The following CACNA2D3 variants were observed in gnomAD, a reference collection of about 807,000 sequenced individuals.
CACNA2D3 encodes the protein calcium voltage-gated channel auxiliary subunit alpha2delta 3.
CACNA2D3 carries 60 observed loss-of-function variants against 160.6 expected under a neutral mutation model. The ratio of observed to expected loss-of-function variants is 0.37; its 90% CI spans 0.30 to 0.46. The LOEUF is 0.46. Among genes scored for constraint, CACNA2D3 ranks in the 20% least tolerant of loss-of-function variants. CACNA2D3 has a pLI of 1.00. For synonymous variants in CACNA2D3, 558 were observed against 492.9 expected, an observed-to-expected ratio of 1.13 and a Z score of -1.75; for missense variants, 1,205 against 1,365.0, an observed-to-expected ratio of 0.88 and a Z score of 1.85.
chr3:54,462,398 G>A (rs1002842286), intron 4 of CACNA2D3, among the ~76,000 whole-genome samples: 6 of 152,184 alleles, frequency 3.9e-5, no homozygotes, highest in African/African-American at 9.7e-5. Context: ...CATTACTATT[G>A]TGTGGGAGTC....
chr3:54,721,118 C>T (rs1701161587), intron 11 of CACNA2D3, among the ~76,000 whole-genome samples: 1 of 152,082 alleles, frequency 6.6e-6, no homozygotes, highest in African/African-American at 2.4e-5. Flanking sequence ...CATTTATTCT[C>T]AATTTAATAT....
intron 5 of CACNA2D3, among the ~76,000 whole-genome samples, chr3:54,525,227 A>G (rs984498088): frequency 1.2e-4 from 19 of 152,108 alleles, no homozygotes; most frequent in African/African-American, 4.3e-4. Flanking sequence ...TCTTAGCCGC[A>G]TATATCTCTG....
chr3:54,465,281 T>C (rs903109514), intron 4 of CACNA2D3, among the ~76,000 whole-genome samples: 14 of 152,158 alleles, frequency 9.2e-5, no homozygotes, highest in Non-Finnish European at 1.5e-4. Flanking sequence ...GTTTGATTAC[T>C]TTATATCTCA....
intron 27 of CACNA2D3, among the ~76,000 whole-genome samples, chr3:54,935,817 G>T (rs1243756033): frequency 6.6e-6 from 1 of 152,050 alleles, no homozygotes; most frequent in Non-Finnish European, 1.5e-5. Context: ...TCTCTTTAAG[G>T]TTTGTTCTAT....
chr3:54,905,788 C>T (rs1559624266), intron 27 of CACNA2D3, among the ~76,000 whole-genome samples: 2 of 152,112 alleles, frequency 1.3e-5, no homozygotes, highest in African/African-American at 4.8e-5. Flanking sequence ...GTTCACATGT[C>T]AGTAGTGCTG....
chr3:54,501,989 C>G (rs1036501953), intron 4 of CACNA2D3, among the ~76,000 whole-genome samples: 2 of 152,218 alleles, frequency 1.3e-5, no homozygotes, highest in South Asian at 2.1e-4. Flanking sequence ...GAAGAGAAGT[C>G]TGATGTAATC....
intron 2 of CACNA2D3, among the ~76,000 whole-genome samples, chr3:54,129,473 C>T (rs1222733923): frequency 1.3e-5 from 2 of 152,164 alleles, no homozygotes; most frequent in Non-Finnish European, 2.9e-5. Flanking sequence ...CATAGCTTCC[C>T]AGTTACCCCA....
At chr3:54,434,266 C>T (rs1700030015) in intron 4 of CACNA2D3, among the ~76,000 whole-genome samples, 1 of 152,216 alleles carries the variant, frequency 6.6e-6, no homozygotes, top group Non-Finnish European at 1.5e-5. Flanking sequence ...GCTGTGCTTA[C>T]ACTCCCACCC....
intron 6 of CACNA2D3, among the ~76,000 whole-genome samples, chr3:54,568,471 T>C (rs1056003437): frequency 2.0e-5 from 3 of 152,230 alleles, no homozygotes; most frequent in African/African-American, 7.2e-5. Context: ...TATATCACAC[T>C]CAAACCAGTT....
chr3:54,747,759 C>G (rs1034543768), intron 11 of CACNA2D3, among the ~76,000 whole-genome samples: 1 of 152,160 alleles, frequency 6.6e-6, no homozygotes, highest in Non-Finnish European at 1.5e-5. Flanking sequence ...CTGGAATGCT[C>G]TTTCCCATTA....
At chr3:54,321,305 G>A (rs1227393734) in intron 3 of CACNA2D3, among the ~76,000 whole-genome samples, 3 of 143,524 alleles carry the variant, frequency 2.1e-5, no homozygotes, top group East Asian at 2.1e-4. Flanking sequence ...GGGTGACAGC[G>A]TGAGACTCCG....
At chr3:54,646,410 C>T (rs1356054130) in intron 11 of CACNA2D3, among the ~76,000 whole-genome samples, 3 of 43,272 alleles carry the variant, frequency 6.9e-5, no homozygotes, top group Non-Finnish European at 3.9e-4. Context: ...TCTCTCACCC[C>T]ACAAAGGTGC....
intron 3 of CACNA2D3, among the ~76,000 whole-genome samples, chr3:54,344,400 G>A (rs1698418580): frequency 6.6e-6 from 1 of 152,186 alleles, no homozygotes; most frequent in African/African-American, 2.4e-5. Context: ...AGGGAGGGAG[G>A]GAGAAAGGGA....
intron 27 of CACNA2D3, among the ~76,000 whole-genome samples, chr3:54,907,519 A>G (rs1700471085): frequency 6.6e-6 from 1 of 152,164 alleles, no homozygotes. Context: ...TGGGTGGGTA[A>G]TAATCATTAG....
At chr3:54,229,120 T>C (rs1701724153) in intron 2 of CACNA2D3, among the ~76,000 whole-genome samples, 1 of 152,224 alleles carries the variant, frequency 6.6e-6, no homozygotes, top group South Asian at 2.1e-4. Context: ...CAATGGTGAT[T>C]CTATTTTCCT....
At chr3:54,308,049 C>A (rs918426246) in intron 2 of CACNA2D3, among the ~76,000 whole-genome samples, 7 of 152,160 alleles carry the variant, frequency 4.6e-5, no homozygotes, top group Non-Finnish European at 8.8e-5. Flanking sequence ...TTATGTTATT[C>A]TTTCTGTAGA....
intron 5 of CACNA2D3, among the ~76,000 whole-genome samples, chr3:54,510,310 A>G (rs1428771043): frequency 6.6e-6 from 1 of 152,114 alleles, no homozygotes; most frequent in East Asian, 1.9e-4. Context: ...ACCAACAGCC[A>G]TGCTCTGTAG....
chr3:54,590,043 G>T (rs1702830535), intron 9 of CACNA2D3, among the ~76,000 whole-genome samples: 1 of 152,148 alleles, frequency 6.6e-6, no homozygotes, highest in Non-Finnish European at 1.5e-5. Flanking sequence ...CTCAGCAATT[G>T]CATCCTTGGC....
At chr3:54,367,538 C>A in intron 3 of CACNA2D3, 1 of 316,554 alleles carries the variant, frequency 3.2e-6, no homozygotes. Flanking sequence ...GTGCAGGGCT[C>A]ATGAGGAATG....
Sources: gnomAD v4.1 joint callset for allele counts (sites outside exome capture counted in the v4.1 genomes callset) on GRCh38, gnomAD v4.1.1 for gene constraint, MANE v1.5 for transcripts, NCBI Gene and HGNC (gene_info 2026-07-23, HGNC 2026-07-21) for gene names.